The following DHRS12 variants were observed in gnomAD, a reference collection of about 807,000 sequenced individuals.
DHRS12 encodes dehydrogenase/reductase 12, also known as dehydrogenase/reductase SDR family member 12.
A neutral mutation model predicts 32.1 loss-of-function variants in DHRS12; 29 were observed. The observed-to-expected ratio is 0.90, with a 90% CI of 0.67 to 1.23. The LOEUF is 1.23. DHRS12 is among the 50% of genes most tolerant of loss of function. DHRS12 has a pLI of 0.00. For synonymous variants in DHRS12, 150 were observed against 135.9 expected (o/e 1.10, Z -0.72); for missense variants, 330 against 337.2 (o/e 0.98, Z 0.17).
the DHRS12 span, chr13:51,762,418 A>G: frequency 6.6e-6 from 1 of 152,240 alleles, no homozygotes; most frequent in South Asian, 2.1e-4. Flanking sequence ...GAGAATCATC[A>G]TCAGAAAACC....
the DHRS12 span, chr13:51,759,589 GA>G: frequency 1.8e-5 from 11 of 615,858 alleles, no homozygotes; most frequent in African/African-American, 1.3e-4. Context: ...CTTTTTTGAT[GA>G]AAAAAATATT....
intron 4 of DHRS12, chr13:51,789,483 T>C (rs1955159990): frequency 6.4e-5 from 60 of 931,242 alleles, no homozygotes; most frequent in Non-Finnish European, 7.7e-5. Flanking sequence ...AGAATGTGCA[T>C]GTCTATCAAG....
At chr13:51,796,914 G>A (rs998387534) in intron 2 of DHRS12, among the ~76,000 whole-genome samples, 8 of 152,238 alleles carry the variant, frequency 5.3e-5, no homozygotes, top group African/African-American at 1.7e-4. Context: ...GTGTGAAAAT[G>A]TTATTTCAAA....
chr13:51,786,478 C>T (rs539053084), intron 4 of DHRS12, among the ~76,000 whole-genome samples: 94 of 152,262 alleles, frequency 6.2e-4, no homozygotes, highest in Non-Finnish European at 1.1e-3. Context: ...GGGGTGAGAA[C>T]AGCCACCCAA....
At chr13:51,777,219 C>T in intron 4 of DHRS12, 98 bp from the exon 5 acceptor site, 3 of 1,430,808 alleles carry the variant, frequency 2.1e-6, no homozygotes, top group South Asian at 1.2e-5. Context: ...CGCACCCGCC[C>T]CCCACAAGAG....
At chr13:51,785,308 A>C (rs769538647) in intron 4 of DHRS12, among the ~76,000 whole-genome samples, 2 of 152,128 alleles carry the variant, frequency 1.3e-5, no homozygotes, top group Non-Finnish European at 2.9e-5. Context: ...TTAACATATT[A>C]AATTCAGGTG....
chr13:51,778,005 G>C (rs1954523696), intron 4 of DHRS12, among the ~76,000 whole-genome samples: 1 of 152,228 alleles, frequency 6.6e-6, no homozygotes. Flanking sequence ...ATGCCATGGA[G>C]TCTCTGTGTG....
chr13:51,776,853 G>A (rs502641), intron 5 of DHRS12, among the ~76,000 whole-genome samples: 3,909 of 152,104 alleles, frequency 0.026, 150 homozygotes, highest in African/African-American at 0.087. Flanking sequence ...GGGGTCGGGG[G>A]TTGGGGGGGT....
the DHRS12 span, chr13:51,761,645 A>G: frequency 6.6e-6 from 1 of 152,088 alleles, no homozygotes; most frequent in Non-Finnish European, 1.5e-5. Context: ...TTGCCCTCAC[A>G]ATCATTCATT....
intron 7 of DHRS12, chr13:51,771,173 AGCGC>A: frequency 6.5e-7 from 1 of 1,543,266 alleles, no homozygotes; most frequent in Non-Finnish European, 8.8e-7. Flanking sequence ...ATCCGCAGAC[AGCGC>A]TGAGACCAGT....
At chr13:51,793,632 T>C (rs1449216950) in intron 2 of DHRS12, among the ~76,000 whole-genome samples, 2 of 152,188 alleles carry the variant, frequency 1.3e-5, no homozygotes, top group African/African-American at 4.8e-5. Flanking sequence ...TACAGAGCTA[T>C]TCTCTTTTAA....
Position 51,768,147 on chromosome 13 carries a change from T to G in DHRS12, c.*40A>C, listed in dbSNP as rs753920610. 1.6e-5 allele frequency: 24 copies of G among 1,535,850 alleles called. No homozygotes were observed. The highest frequency in any genetic ancestry group is 2.0e-5 in the Non-Finnish European group (23 of 1,146,790). On this transcript the variant is annotated 3_prime_UTR_variant, in exon 9 of 9. Coordinates refer to ENST00000444610, the MANE Select transcript of DHRS12 (RefSeq NM_001377533.1). ...TCCCTAGACCGCACCTTCTGGTATC[T>G]TCTAAGGCAATTCTGGTACCGCACT...
chr13:51,768,648 A>G, intron 8 of DHRS12: 1 of 1,141,180 alleles, frequency 8.8e-7, no homozygotes, highest in South Asian at 2.8e-5. Flanking sequence ...AGAGAAGCCA[A>G]GCAAAGAGCC....
intron 4 of DHRS12, among the ~76,000 whole-genome samples, chr13:51,788,793 G>C (rs934771656): frequency 6.6e-6 from 1 of 151,954 alleles, no homozygotes; most frequent in Non-Finnish European, 1.5e-5. Flanking sequence ...CCAGGAGTTT[G>C]AGGCTGCAGT....
intron 4 of DHRS12, among the ~76,000 whole-genome samples, chr13:51,786,349 G>A (rs772494076): frequency 3.9e-5 from 6 of 152,166 alleles, no homozygotes; most frequent in Non-Finnish European, 7.3e-5. Context: ...CTGCCAGCAG[G>A]GCACTTAGCT....
intron 4 of DHRS12, among the ~76,000 whole-genome samples, chr13:51,787,080 T>C (rs1954992522): frequency 6.6e-6 from 1 of 152,172 alleles, no homozygotes; most frequent in South Asian, 2.1e-4. Context: ...TCTTTGTGTA[T>C]TGTACTACTT....
At position 51,783,387 on chromosome 13, in the gene DHRS12, GCTT is replaced by G. The variant is rs1290814702; in HGVS notation, c.302-6269_302-6267del. On this transcript the variant is annotated intron_variant, in intron 4 of 8. Coordinates refer to ENST00000444610, the MANE Select transcript of DHRS12 (RefSeq NM_001377533.1). ...AAGAAACAATCATAATGAATAATAT[GCTT>G]CTTAGGATGAAACAGACTCACTACA... 3.3e-5 allele frequency among the ~76,000 whole-genome samples: 5 copies of G among 152,078 alleles called. No homozygotes were observed. In the East Asian group the frequency reaches 9.6e-4, roughly 29 times the overall value.
downstream of DHRS12, chr13:51,765,092 A>G (rs1462336803): frequency 1.3e-5 from 2 of 152,096 alleles, no homozygotes; most frequent in African/African-American, 2.4e-5. Flanking sequence ...AGTTTCGTCA[A>G]TTCAGGTACA....
the DHRS12 span, chr13:51,760,122 AG>A: frequency 1.1e-4 from 23 of 209,354 alleles, no homozygotes; most frequent in East Asian, 2.3e-3. Context: ...GAAATAAGGG[AG>A]GTATCTACTC....
Sources: gnomAD v4.1 joint callset for allele counts (sites outside exome capture counted in the v4.1 genomes callset) on GRCh38, gnomAD v4.1.1 for gene constraint, MANE v1.5 for transcripts, NCBI Gene and HGNC (gene_info 2026-07-23, HGNC 2026-07-21) for gene names.